ERLIN1: variants seen among roughly 807,000 people sequenced by gnomAD.
ERLIN1 encodes the protein ER lipid raft associated 1.
In ERLIN1, 24 loss-of-function variants were observed where a neutral mutation model predicts 46.9. That is an observed-to-expected ratio of 0.51 (90% CI 0.37 to 0.72). The LOEUF is 0.72. ERLIN1 is among the 30% of genes least tolerant of loss of function. ERLIN1 has a pLI of 0.00. For missense variants in ERLIN1, 293 were observed against 417.9 expected, an observed-to-expected ratio of 0.70 and a Z score of 2.61; for synonymous variants, 158 against 143.2, an observed-to-expected ratio of 1.10 and a Z score of -0.74.
intron 3 of ERLIN1, 85 bp downstream of exon 3, chr10:100,179,116 T>G: frequency 2.2e-4 from 232 of 1,032,226 alleles, no homozygotes; most frequent in Non-Finnish European, 3.0e-4. Context: ...CATGCCTATT[T>G]GAGATATGTC....
chr10:100,160,433 AC>A (rs1843305222), intron 8 of ERLIN1, among the ~76,000 whole-genome samples: 1 of 152,172 alleles, frequency 6.6e-6, no homozygotes, highest in East Asian at 1.9e-4. Flanking sequence ...TAACCATGAT[AC>A]AAAAAAACCT....
At chr10:100,173,922 T>G (rs1472676617) in intron 6 of ERLIN1, among the ~76,000 whole-genome samples, 1 of 152,214 alleles carries the variant, frequency 6.6e-6, no homozygotes, top group Non-Finnish European at 1.5e-5. Flanking sequence ...TACACTGATT[T>G]ATAACCATTA....
intron 2 of ERLIN1, among the ~76,000 whole-genome samples, chr10:100,182,854 G>T (rs894863824): frequency 6.6e-6 from 1 of 152,164 alleles, no homozygotes; most frequent in Admixed American, 6.5e-5. Context: ...ACTAAGGAAA[G>T]AATGGGTAAA....
In ERLIN1 at chr10:100,164,086, C is replaced by T. The variant is rs1247188542; in HGVS notation, c.573G>A (p.Glu191=). Residue 191 remains glutamate (E), a synonymous_variant, in exon 8 of 11, where the codon GAG becomes GAA. Transcript: ENST00000421367. ...GTGCAGCTATAAGGAGTTTTGTCTT[C>T]TCAGCCTCCCTGTGAAGCAAAATGT... ...IRRNFELMEA[E]KTKLLIAAQK... The T allele has an allele frequency of 6.2e-7, 1 of 1,610,120 alleles. No individual in the cohort carries two copies. The highest frequency in any genetic ancestry group is 8.5e-7 in the Non-Finnish European group (1 of 1,177,006).
At chr10:100,152,491 T>G (rs1445870763) in intron 10 of ERLIN1, 139 bp from the exon 11 acceptor site, 1 of 643,582 alleles carries the variant, frequency 1.6e-6, no homozygotes, top group Admixed American at 2.5e-5. Context: ...CCTCTCTCAC[T>G]TTGGAGAGTG....
chr10:100,154,056 C>T (rs1182106994), intron 10 of ERLIN1, among the ~76,000 whole-genome samples: 2 of 152,156 alleles, frequency 1.3e-5, no homozygotes, highest in African/African-American at 4.8e-5. Context: ...ACTGCATCAT[C>T]CACTTTAGTA....
intron 8 of ERLIN1, among the ~76,000 whole-genome samples, chr10:100,159,547 T>C (rs1328832431): frequency 6.6e-6 from 1 of 152,114 alleles, no homozygotes; most frequent in African/African-American, 2.4e-5. Flanking sequence ...TCAATAAATA[T>C]TTAAGAATCC....
At chr10:100,167,326 G>C in intron 7 of ERLIN1, 22 bp downstream of exon 7, 1 of 1,572,490 alleles carries the variant, frequency 6.4e-7, no homozygotes, top group Non-Finnish European at 8.8e-7. Context: ...AGAAATATTG[G>C]GATCCCATGC....
intron 10 of ERLIN1, among the ~76,000 whole-genome samples, chr10:100,152,554 T>C (rs1426639276): frequency 6.6e-6 from 1 of 152,218 alleles, no homozygotes; most frequent in Non-Finnish European, 1.5e-5. Flanking sequence ...ATTAAGCTCC[T>C]GACTTAATGC....
chr10:100,154,249 T>C (rs2134098632), intron 10 of ERLIN1, among the ~76,000 whole-genome samples: 1 of 152,324 alleles, frequency 6.6e-6, no homozygotes, highest in Non-Finnish European at 1.5e-5. Flanking sequence ...ATCACCTATA[T>C]ATCACCCAAC....
At chr10:100,181,943 C>T (rs912144256) in intron 2 of ERLIN1, among the ~76,000 whole-genome samples, 14 of 152,028 alleles carry the variant, frequency 9.2e-5, no homozygotes, top group African/African-American at 1.9e-4. Context: ...TTTGTAGATG[C>T]GAAGTATTTT....
In ERLIN1 at chr10:100,164,003, C is replaced by G; in HGVS notation, c.655+1G>C. ...CAATCATTTCAGAGAAATCCAAGTA[C>G]CTATAACTGCCTTTTTCCTCTCTGT... On this transcript the variant is annotated splice_donor_variant, in intron 8 of 10. Coordinates refer to ENST00000421367, the MANE Select transcript of ERLIN1 (RefSeq NM_006459.4). LOFTEE classifies it high-confidence loss of function. The G allele has an allele frequency of 6.3e-7, 1 of 1,589,150 alleles. No homozygotes were observed. Among genetic ancestry groups the G allele is most frequent in the Non-Finnish European group, 8.6e-7 (1 of 1,158,122 alleles).
Position 100,185,520 on chromosome 10 carries a change from T to C in ERLIN1, c.107A>G (p.Tyr36Cys). Reference sequence around the variant, plus strand: ...GACTGCACATGCCGCTCACCTGTAGTACACAGCCAGATGGCCCTCCTCAAT... The same window carrying C: ...GACTGCACATGCCGCTCACCTGTAGCACACAGCCAGATGGCCCTCCTCAAT... ...HKIEEGHLAVYYRGGALLTSP... is the reference protein window; with the variant it reads ...HKIEEGHLAVCYRGGALLTSP... The change falls in exon 1 of 11, where the codon TAC (tyrosine) becomes TGC (cysteine). Residue 36 changes from tyrosine to cysteine, a missense_variant. Tyr to Cys is a radical substitution (Grantham distance 194). This residue lies in a region of ERLIN1 where 76 missense variants were observed against 77.0 expected (regional missense o/e 0.99). Coordinates refer to ENST00000421367, the MANE Select transcript of ERLIN1 (RefSeq NM_006459.4). 2 of 1,612,222 alleles carry C rather than the reference T, an allele frequency of 1.2e-6. No individual in the cohort carries two copies. The highest frequency in any genetic ancestry group is 1.7e-6 in the Non-Finnish European group (2 of 1,178,240).
intron 8 of ERLIN1, among the ~76,000 whole-genome samples, chr10:100,156,501 G>A (rs976380438): frequency 2.6e-5 from 4 of 152,136 alleles, no homozygotes; most frequent in African/African-American, 9.7e-5. Flanking sequence ...ATGCAACTCT[G>A]TAGCAACGGT....
chr10:100,155,301 C>CA (rs987202252), intron 9 of ERLIN1, among the ~76,000 whole-genome samples: 2 of 152,078 alleles, frequency 1.3e-5, no homozygotes, highest in South Asian at 4.2e-4. Context: ...AGCCCCCCCC[C>CA]AAATTTCATC....
At chr10:100,166,322 AG>A (rs1843637040) in intron 7 of ERLIN1, among the ~76,000 whole-genome samples, 1 of 151,978 alleles carries the variant, frequency 6.6e-6, no homozygotes, top group Non-Finnish European at 1.5e-5. Context: ...CAGGAGGCTG[AG>A]GTGGGAGGAT....
intron 6 of ERLIN1, among the ~76,000 whole-genome samples, chr10:100,172,172 C>T (rs1327364625): frequency 6.6e-6 from 1 of 152,080 alleles, no homozygotes; most frequent in Non-Finnish European, 1.5e-5. Flanking sequence ...TAAATATAAC[C>T]ATTAAAAGTA....
intron 7 of ERLIN1, among the ~76,000 whole-genome samples, chr10:100,166,885 T>G (rs1253753319): frequency 6.6e-6 from 1 of 152,162 alleles, no homozygotes; most frequent in Non-Finnish European, 1.5e-5. Flanking sequence ...AGAGGCACAT[T>G]ATAAAGAACC....
chr10:100,155,553 C>CG, intron 9 of ERLIN1, among the ~76,000 whole-genome samples: 1 of 151,156 alleles, frequency 6.6e-6, no homozygotes, highest in Non-Finnish European at 1.5e-5. Flanking sequence ...CTCGCTCTGT[C>CG]GCCCAGGCTG....
Sources: gnomAD v4.1 joint callset for allele counts (sites outside exome capture counted in the v4.1 genomes callset) on GRCh38, gnomAD v4.1.1 for gene constraint, gnomAD v4.1.1 regional missense constraint, MANE v1.5 for transcripts, NCBI Gene and HGNC (gene_info 2026-07-23, HGNC 2026-07-21) for gene names.